FAM131C: variants seen among roughly 807,000 people sequenced by gnomAD.
FAM131C encodes the protein family with sequence similarity 131 member C, also known as protein FAM131C.
FAM131C carries 14 observed loss-of-function variants against 29.8 expected under a neutral mutation model. That is an observed-to-expected ratio of 0.47 (90% confidence interval 0.31 to 0.73). The LOEUF is 0.73. FAM131C is among the 30% of genes least tolerant of loss of function. FAM131C has a pLI of 0.05. For missense variants in FAM131C, 252 were observed against 383.8 expected (o/e 0.66, Z 2.87); for synonymous variants, 86 against 157.8 (o/e 0.54, Z 3.41).
At chr1:16,062,610 T>TGGGTGG (rs2023618388) in intron 2 of FAM131C, 76 bp from the exon 3 acceptor site, 1 of 1,074,446 alleles carries the variant, frequency 9.3e-7, no homozygotes, top group Non-Finnish European at 1.3e-6. Flanking sequence ...CCTGGGGCCC[T>TGGGTGG]GGGTGGGGGT....
intron 2 of FAM131C, 86 bp downstream of exon 2, chr1:16,063,435 A>G (rs2023633062): frequency 1.9e-6 from 2 of 1,045,346 alleles, no homozygotes; most frequent in Non-Finnish European, 2.9e-6. Context: ...AAGGAAGGAG[A>G]CTGGAATGGA....
In FAM131C at chr1:16,062,170, C is replaced by T. The variant is rs1163069498; in HGVS notation, c.197G>A (p.Gly66Asp). ...PWQRCFQTTNGYLSDSRSRPG... is the reference protein window; with the variant it reads ...PWQRCFQTTNDYLSDSRSRPG... Reference sequence around the variant, plus strand: ...GCGGGATCTGGAGTCGGACAGGTAGCCGTTGGTGGTCTGGAAGCACCTCTG... The same window carrying T: ...GCGGGATCTGGAGTCGGACAGGTAGTCGTTGGTGGTCTGGAAGCACCTCTG... The change falls in exon 4 of 7, where the codon GGC becomes GAC. Residue 66 changes from glycine (G) to aspartate (D), a missense_variant. Around this residue, in one of 6 missense-constraint regions of FAM131C, gnomAD observed 52 missense variants for 105.9 expected, o/e 0.49. Coordinates refer to ENST00000375662, the MANE Select transcript of FAM131C (RefSeq NM_182623.3). The T allele has an allele frequency of 1.2e-6, 2 of 1,611,720 alleles. No homozygotes were observed. Among genetic ancestry groups the T allele is most frequent in the East Asian group, 4.5e-5 (2 of 44,874 alleles).
In FAM131C at chr1:16,069,108, G is replaced by T. The variant is rs186058252; in HGVS notation, c.22+4313C>A. ...GGCTCAGAGAGGATAAATCACTTAT[G>T]CAAGGTCACCTGCTAATAAGCAGCA... On this transcript the variant is annotated intron_variant, in intron 1 of 6. Coordinates refer to ENST00000375662, the MANE Select transcript of FAM131C (RefSeq NM_182623.3). 2.6e-5 allele frequency among the ~76,000 whole-genome samples: 4 copies of T among 152,300 alleles called. No homozygotes were observed. In the East Asian group the frequency reaches 7.7e-4, roughly 29 times the overall value.
chr1:16,064,224 C>G (rs904230917), intron 1 of FAM131C, among the ~76,000 whole-genome samples: 2 of 152,172 alleles, frequency 1.3e-5, no homozygotes, highest in Non-Finnish European at 2.9e-5. Flanking sequence ...CCTTCCTTCT[C>G]AGACATGAAA....
chr1:16,063,051 G>C (rs1442149935), intron 2 of FAM131C, among the ~76,000 whole-genome samples: 2 of 151,026 alleles, frequency 1.3e-5, no homozygotes, highest in Non-Finnish European at 2.9e-5. Context: ...GGTCCCTTGT[G>C]ACCCTTAGTG....
rs1350279854 is a variant in FAM131C at position 16,058,466 on chromosome 1, A to G, written c.814T>C (p.Trp272Arg). 2.7e-6 allele frequency: 4 copies of G among 1,481,864 alleles called. No homozygotes were observed. The highest frequency in any genetic ancestry group is 2.8e-5 in the African/African-American group (2 of 71,008). 91.8% of individuals were successfully genotyped at this position (1,481,864 alleles called of 1,614,324 possible). A position where few individuals can be genotyped will look rare whatever the true frequency, so the allele number is the denominator to read the frequency against. ...TTATAGAACACCTCGTCCTCCTCCC[A>G]GAGGGAGCCGCTGTCCATGGAGGGG... ...SLPSMDSGSLWEEDEVFYN is the reference protein window; with the variant it reads ...SLPSMDSGSLREEDEVFYN Residue 272 changes from tryptophan (W) to arginine (R), a missense_variant, in exon 7 of 7, where the codon TGG becomes CGG. Physicochemically the swap from Trp to Arg is moderately radical, Grantham distance 101. Coordinates refer to ENST00000375662, the MANE Select transcript of FAM131C (RefSeq NM_182623.3).
At position 16,060,359 on chromosome 1, in the gene FAM131C, G is replaced by A. The variant is rs1274274819; in HGVS notation, c.269-308C>T. Among the ~76,000 whole-genome samples, 38 of 125,676 alleles carry A rather than the reference G, an allele frequency of 3.0e-4. 1 individual carries two copies. Among genetic ancestry groups the A allele is most frequent in the Non-Finnish European group, 6.1e-4 (33 of 54,384 alleles). 82.4% of individuals were successfully genotyped at this position (125,676 alleles called of 152,430 possible). A position where few individuals can be genotyped will look rare whatever the true frequency, so the allele number is the denominator to read the frequency against. On this transcript the variant is annotated intron_variant, in intron 4 of 6. Transcript: ENST00000375662. ...TCCCAGTCCATGTTCCCGCCCACTG[G>A]ATGCTTCTTCCCCAGATCGGCCACA... is the stretch of plus-strand genomic sequence containing the variant.
chr1:16,064,397 G>GAGCT (rs1490473895), intron 1 of FAM131C, among the ~76,000 whole-genome samples: 1 of 152,138 alleles, frequency 6.6e-6, no homozygotes, highest in South Asian at 2.1e-4. Context: ...AACAAAGGAA[G>GAGCT]AGCTGTTCCT....
chr1:16,073,597 T>A lies in FAM131C; in HGVS notation c.-155A>T. 4.0e-6 allele frequency: 1 copy of A among 251,712 alleles called. No homozygotes were observed. Among genetic ancestry groups the A allele is most frequent in the Non-Finnish European group, 7.1e-6 (1 of 140,176 alleles). 15.6% of individuals were successfully genotyped at this position (251,712 alleles called of 1,614,324 possible). ...AGCTCGGCCTCAGCTCCAGCCTGGG[T>A]CGTCCCTGCTGCCGCCGCGCCCGGC... On this transcript the variant is annotated 5_prime_UTR_variant, in exon 1 of 7. Transcript: ENST00000375662.
At chr1:16,071,770 G>A (rs1281476321) in intron 1 of FAM131C, among the ~76,000 whole-genome samples, 1 of 152,196 alleles carries the variant, frequency 6.6e-6, no homozygotes, top group African/African-American at 2.4e-5. Context: ...AGCCCCAGGT[G>A]TGGGGTCAGA....
At chr1:16,063,708 C>T (rs1035526774) in intron 1 of FAM131C, 72 bp from the exon 2 acceptor site, 14 of 1,050,256 alleles carry the variant, frequency 1.3e-5, no homozygotes, top group Middle Eastern at 2.1e-4. Context: ...TGTTCAAGGC[C>T]CCCCCGTAAG....
chr1:16,065,568 C>T (rs1473732846), intron 1 of FAM131C, among the ~76,000 whole-genome samples: 1 of 152,234 alleles, frequency 6.6e-6, no homozygotes, highest in African/African-American at 2.4e-5. Context: ...CCACCTGTGG[C>T]TCTTTCTACA....
In FAM131C at chr1:16,059,571, G is replaced by A. The variant is rs1290305016; in HGVS notation, c.485C>T (p.Thr162Ile). Residue 162 changes from threonine to isoleucine, a missense_variant, in exon 6 of 7, where the codon ACA (threonine) becomes ATA (isoleucine). Thr to Ile is a moderately conservative substitution (Grantham distance 89). Around this residue, in one of 6 missense-constraint regions of FAM131C, gnomAD observed 33 missense variants for 54.0 expected, o/e 0.61. Transcript: ENST00000375662. The part of the protein sequence containing the change: ...VAEQFAITEA[T>I]LSAWSSLDEE... ...GTCCAGCGAGGACCAAGCGCTCAGTGTGGCCTCTGTGATGGCAAACTGCTC... is the reference window on the plus strand; with the variant it reads ...GTCCAGCGAGGACCAAGCGCTCAGTATGGCCTCTGTGATGGCAAACTGCTC... 1 of 1,602,934 alleles carries A rather than the reference G, an allele frequency of 6.2e-7. No individual in the cohort carries two copies. Among genetic ancestry groups the A allele is most frequent in the South Asian group, 1.1e-5 (1 of 90,292 alleles).
At position 16,059,867 on chromosome 1, in the gene FAM131C, A is replaced by G; in HGVS notation, c.451+2T>C. 6.2e-7 allele frequency: 1 copy of G among 1,611,120 alleles called. No individual in the cohort carries two copies. The highest frequency in any genetic ancestry group is 1.3e-5 in the African/African-American group (1 of 74,962). The stretch of plus-strand genomic sequence containing the variant: ...CCCTGGCCAGTCCCCCTCCTCGCTG[A>G]CCTGCAGCAAAGCGGGCCTCACGCA... On this transcript the variant is annotated splice_donor_variant, in intron 5 of 6. Coordinates refer to ENST00000375662, the MANE Select transcript of FAM131C (RefSeq NM_182623.3). LOFTEE classifies it high-confidence loss of function.
rs181483397 is a variant in FAM131C at position 16,058,822 on chromosome 1, C to T, written c.563-105G>A. The stretch of plus-strand genomic sequence containing the variant: ...AGGGGCAGAAGACCTGCCTCCAAAT[C>T]CAGCTATGTGACGGCCGAGCCTTGT... On this transcript the variant is annotated intron_variant, in intron 6 of 6. Transcript: ENST00000375662. 7.7e-4 allele frequency: 872 copies of T among 1,131,572 alleles called. 9 individuals are homozygous for T. The highest frequency in any genetic ancestry group is 1.9e-3 in the Middle Eastern group (6 of 3,238). 70.1% of individuals were successfully genotyped at this position (1,131,572 alleles called of 1,614,324 possible).
At position 16,062,574 on chromosome 1, in the gene FAM131C, A is replaced by G. The variant is rs955608030; in HGVS notation, c.139-40T>C. 5 of 1,551,670 alleles carry G rather than the reference A, an allele frequency of 3.2e-6. No homozygotes were observed. In the African/African-American group the frequency reaches 6.8e-5, roughly 21 times the overall value. On this transcript the variant is annotated intron_variant, in intron 2 of 6. Transcript: ENST00000375662. ...GAGAGAGGATCAGGCAGGGCCTGGC[A>G]CGCTGTGCCAGCAGATGGCCCGAGT...
rs181597530 is a variant in FAM131C at position 16,068,296 on chromosome 1, T to A, written c.23-4660A>T. On this transcript the variant is annotated intron_variant, in intron 1 of 6. Transcript: ENST00000375662. ...GGGTGGGCATGGGACTTAGCCCCTG[T>A]GAGCCTTGGATTCTCATCTGTGAAA... is the stretch of plus-strand genomic sequence containing the variant. 2.8e-3 allele frequency among the ~76,000 whole-genome samples: 431 copies of A among 152,360 alleles called. 2 individuals are homozygous for A. The highest frequency in any genetic ancestry group is 4.6e-3 in the Non-Finnish European group (315 of 68,026).
Position 16,062,085 on chromosome 1 carries a change from C to T in FAM131C, c.268+14G>A, listed in dbSNP as rs3978467. 0.26 allele frequency: 411,519 copies of T among 1,594,394 alleles called. 61,214 individuals are homozygous for T. Among genetic ancestry groups the T allele is most frequent in the Admixed American group, 0.41 (23,938 of 59,020 alleles). The stretch of plus-strand genomic sequence containing the variant: ...GCATTCTCCACCGGCAGGAGAGTTG[C>T]GGCCAGAACCTACCCACAAGGGACG... On this transcript the variant is annotated intron_variant, in intron 4 of 6. Coordinates refer to ENST00000375662, the MANE Select transcript of FAM131C (RefSeq NM_182623.3).
At position 16,073,453 on chromosome 1, in the gene FAM131C, CG is replaced by C; in HGVS notation, c.-12del. 8.3e-7 allele frequency: 1 copy of C among 1,206,284 alleles called. No individual in the cohort carries two copies. Among genetic ancestry groups the C allele is most frequent in the Non-Finnish European group, 1.0e-6 (1 of 971,120 alleles). 74.7% of individuals were successfully genotyped at this position (1,206,284 alleles called of 1,614,324 possible). A position where few individuals can be genotyped will look rare whatever the true frequency, so the allele number is the denominator to read the frequency against. On this transcript the variant is annotated 5_prime_UTR_variant, in exon 1 of 7. Coordinates refer to ENST00000375662, the MANE Select transcript of FAM131C (RefSeq NM_182623.3). ...CACGCAGGAGCCCATCACGGGGCCGCGGGGCCGGGCCGCTGCGCCCGGGGTG... is the reference window on the plus strand; with the variant it reads ...CACGCAGGAGCCCATCACGGGGCCGCGGGCCGGGCCGCTGCGCCCGGGGTG...
Sources: gnomAD v4.1 joint callset for allele counts (sites outside exome capture counted in the v4.1 genomes callset) on GRCh38, gnomAD v4.1.1 for gene constraint, gnomAD v4.1.1 regional missense constraint, MANE v1.5 for transcripts, NCBI Gene and HGNC (gene_info 2026-07-23, HGNC 2026-07-21) for gene names.